WDR3: variants seen among roughly 807,000 people sequenced by gnomAD.
The protein encoded by WDR3 is WD repeat domain 3, also known as WD repeat-containing protein 3.
In WDR3, 81 loss-of-function variants were observed where a neutral mutation model predicts 123.7. The ratio of observed to expected loss-of-function variants is 0.65; its 90% CI spans 0.55 to 0.79. WDR3 has a LOEUF of 0.79. Ranked by LOEUF, WDR3 falls within the 30% of genes least tolerant of loss-of-function variation. The pLI, the probability that WDR3 is intolerant of heterozygous loss-of-function variation, is 0.00. For missense variants in WDR3, 1,027 were observed against 1,123.2 expected, an observed-to-expected ratio of 0.91 and a Z score of 1.22; for synonymous variants, 390 against 388.8, an observed-to-expected ratio of 1.00 and a Z score of -0.04.
Position 117,942,462 on chromosome 1 carries a change from G to A in WDR3, c.1015G>A (p.Glu339Lys). Residue 339 changes from glutamate (E) to lysine (K), a missense_variant, in exon 10 of 27, where the codon GAA becomes AAA. Transcript: ENST00000349139. ...ATTACATTCTAGCAAAGGAGAGGAG[G>A]AAGATCCTGAGGTTAATGTTGAAAT... is the stretch of plus-strand genomic sequence containing the variant. ...AKLHSSKGEE[E>K]DPEVNVEMSL... The A allele has an allele frequency of 1.2e-6, 2 of 1,613,932 alleles. No homozygotes were observed. Among genetic ancestry groups the A allele is most frequent in the Middle Eastern group, 1.7e-4 (1 of 6,058 alleles).
At chr1:117,952,813 A>T in intron 19 of WDR3, 133 bp from the exon 20 acceptor site, 2 of 1,431,728 alleles carry the variant, frequency 1.4e-6, no homozygotes, top group Non-Finnish European at 9.5e-7. Context: ...CACCCATTTC[A>T]GAAGCTAGGC....
At chr1:117,941,621 G>C in intron 8 of WDR3, 129 bp from the exon 9 acceptor site, 1 of 1,156,720 alleles carries the variant, frequency 8.6e-7, no homozygotes, top group South Asian at 1.5e-5. Context: ...AACCCAGAGA[G>C]ATTAAGTTGT....
chr1:117,937,414 A>G (rs1650984373), intron 4 of WDR3, among the ~76,000 whole-genome samples: 1 of 152,194 alleles, frequency 6.6e-6, no homozygotes, highest in South Asian at 2.1e-4. Flanking sequence ...ATGGCCACCT[A>G]GGAAAAGCTG....
Position 117,959,450 on chromosome 1 carries a change from C to A in WDR3, c.*3C>A, listed in dbSNP as rs755876032. ...AGTTGATTCTAACGTTGACTTAGAA[C>A]TGAAATGTGGTATCTTTTTTTTTTT... On this transcript the variant is annotated 3_prime_UTR_variant, in exon 27 of 27. Transcript: ENST00000349139. The A allele has an allele frequency of 1.9e-6, 3 of 1,593,316 alleles. No homozygotes were observed. Among genetic ancestry groups the A allele is most frequent in the Non-Finnish European group, 1.7e-6 (2 of 1,172,998 alleles).
intron 23 of WDR3, among the ~76,000 whole-genome samples, chr1:117,954,851 C>T (rs938087166): frequency 6.6e-6 from 1 of 152,026 alleles, no homozygotes; most frequent in African/African-American, 2.4e-5. Flanking sequence ...GACTGGCATT[C>T]TTCTGTTTTC....
intron 9 of WDR3, among the ~76,000 whole-genome samples, 190 bp from the exon 10 acceptor site, chr1:117,942,247 T>C (rs577021075): frequency 6.6e-6 from 1 of 152,212 alleles, no homozygotes; most frequent in Non-Finnish European, 1.5e-5. Context: ...TAATACTTTA[T>C]GACATTGTAG....
Position 117,960,801 on chromosome 1 carries a change from A to G in WDR3, c.*1354A>G, listed in dbSNP as rs926334561. On this transcript the variant is annotated 3_prime_UTR_variant, in exon 27 of 27. Coordinates refer to ENST00000349139, the MANE Select transcript of WDR3 (RefSeq NM_006784.3). ...CCCAAAACTGTGAATTGCACCATGT[A>G]TGATCTGTATTTGTGTGTGTTAATG... 16 of 152,228 alleles carry G rather than the reference A, an allele frequency of 1.1e-4. No individual in the cohort carries two copies. The highest frequency in any genetic ancestry group is 6.5e-5 in the Admixed American group (1 of 15,286). The allele number at this position is 152,228 out of a possible 1,614,324, so 9.4% of individuals were successfully genotyped here. A position where few individuals can be genotyped will look rare whatever the true frequency, so the allele number is the denominator to read the frequency against.
At chr1:117,955,924 C>T (rs1279219081) in intron 24 of WDR3, among the ~76,000 whole-genome samples, 2 of 152,242 alleles carry the variant, frequency 1.3e-5, no homozygotes, top group African/African-American at 4.8e-5. Context: ...AGAGTCCTAG[C>T]AGCCTAATAA....
intron 6 of WDR3, 71 bp from the exon 7 acceptor site, chr1:117,940,756 A>C (rs1651118442): frequency 7.4e-7 from 1 of 1,349,800 alleles, no homozygotes; most frequent in Admixed American, 2.0e-5. Context: ...CAACAAAACA[A>C]CAACAACAAC....
chr1:117,943,718 G>T (rs752366559), intron 11 of WDR3, 92 bp downstream of exon 11: 6 of 1,089,706 alleles, frequency 5.5e-6, no homozygotes, highest in Non-Finnish European at 7.8e-6. Flanking sequence ...AACTCCTTAA[G>T]GCCCTAAATA....
At chr1:117,931,182 C>T (rs1194840070) in intron 1 of WDR3, among the ~76,000 whole-genome samples, 3 of 152,220 alleles carry the variant, frequency 2.0e-5, no homozygotes, top group Non-Finnish European at 2.9e-5. Context: ...GCCTTGGCCT[C>T]CCAAAGTGCT....
intron 3 of WDR3, among the ~76,000 whole-genome samples, chr1:117,935,798 T>C (rs544499700): frequency 3.3e-5 from 5 of 152,088 alleles, no homozygotes; most frequent in South Asian, 2.1e-4. Context: ...TGTTGGTAGA[T>C]TGGAATACTT....
At chr1:117,944,790 C>T (rs1299880653) in intron 11 of WDR3, among the ~76,000 whole-genome samples, 2 of 152,170 alleles carry the variant, frequency 1.3e-5, no homozygotes, top group East Asian at 1.9e-4. Flanking sequence ...CAACCTCCAC[C>T]TCCTGGGTTC....
chr1:117,937,280 A>T (rs1650977002), intron 4 of WDR3, among the ~76,000 whole-genome samples: 1 of 152,194 alleles, frequency 6.6e-6, no homozygotes, highest in African/African-American at 2.4e-5. Context: ...ACTGTACTTC[A>T]TAGGCCTTCT....
rs775660708 is a variant in WDR3, at chr1:117,963,760, A to G, written c.*4313A>G. On this transcript the variant is annotated 3_prime_UTR_variant, in exon 27 of 27. Transcript: ENST00000349139. ...CTGGGGTCTAATACCTCAAATTTGA[A>G]TGCTTGACAATCAAATTCCCATTTA... The G allele has an allele frequency of 7.0e-6, 11 of 1,576,814 alleles. No individual in the cohort carries two copies. The highest frequency in any genetic ancestry group is 1.8e-5 in the Admixed American group (1 of 56,732).
At position 117,939,081 on chromosome 1, in the gene WDR3, C is replaced by T. The variant is rs190475558; in HGVS notation, c.580-396C>T. Reference sequence around the variant, plus strand: ...AATATTATTTTCATTATTTAATTCCCGGATACTTGAAGCTGAAAGTTATGC... The same window carrying T: ...AATATTATTTTCATTATTTAATTCCTGGATACTTGAAGCTGAAAGTTATGC... On this transcript the variant is annotated intron_variant, in intron 5 of 26. Transcript: ENST00000349139. Among the ~76,000 whole-genome samples the T allele has an allele frequency of 2.8e-4, 43 of 152,184 alleles. No homozygotes were observed. In the East Asian group the frequency reaches 3.7e-3, roughly 13 times the overall value.
chr1:117,953,908 T>G, intron 21 of WDR3, 99 bp from the exon 22 acceptor site: 1 of 944,468 alleles, frequency 1.1e-6, no homozygotes, highest in Admixed American at 2.4e-5. Flanking sequence ...AGATTGAAGC[T>G]ATTTCATTTG....
intron 15 of WDR3, among the ~76,000 whole-genome samples, 187 bp from the exon 16 acceptor site, chr1:117,950,647 C>G (rs1175513517): frequency 1.3e-5 from 2 of 151,976 alleles, no homozygotes; most frequent in Non-Finnish European, 2.9e-5. Flanking sequence ...GTATTCTTGG[C>G]AAGCACATGG....
At chr1:117,943,031 C>CA (rs1651233405) in intron 10 of WDR3, among the ~76,000 whole-genome samples, 1 of 151,826 alleles carries the variant, frequency 6.6e-6, no homozygotes, top group Non-Finnish European at 1.5e-5. Context: ...CGGCTCAGTG[C>CA]AACCTCCATC....
Sources: gnomAD v4.1 joint callset for allele counts (sites outside exome capture counted in the v4.1 genomes callset) on GRCh38, gnomAD v4.1.1 for gene constraint, MANE v1.5 for transcripts, NCBI Gene and HGNC (gene_info 2026-07-23, HGNC 2026-07-21) for gene names.